The following FANCC variants were observed in gnomAD, a reference collection of about 807,000 sequenced individuals.
The protein encoded by FANCC is FA complementation group C, also known as Fanconi anemia group C protein.
Under a neutral mutation model 71.3 loss-of-function variants are expected in FANCC, and 55 were observed. That is an observed-to-expected ratio of 0.77 (90% CI 0.62 to 0.97). FANCC has a LOEUF of 0.97. Ranked by LOEUF, FANCC falls within the 50% of genes least tolerant of loss-of-function variation. The pLI, the probability that FANCC is intolerant of heterozygous loss-of-function variation, is 0.00. For missense variants in FANCC, 678 were observed against 670.9 expected (o/e 1.01, Z -0.12); for synonymous variants, 275 against 244.9 (o/e 1.12, Z -1.15).
rs1064793496 is a variant in FANCC at position 95,101,751 on chromosome 9, T to C, written c.1633A>G (p.Lys545Glu). 6.2e-7 allele frequency: 1 copy of C among 1,614,020 alleles called. No homozygotes were observed. The highest frequency in any genetic ancestry group is 1.3e-5 in the African/African-American group (1 of 74,932). The stretch of plus-strand genomic sequence containing the variant: ...TCTTTAAGGAGCTCTCGGGCCAGTT[T>C]TTCTGATCTAGGGCTTTCAATGCCA... ...RLGIESPRSE[K>E]LARELLKELR... Residue 545 changes from lysine to glutamate, a missense_variant, in exon 15 of 15, where the codon AAA becomes GAA. Coordinates refer to ENST00000289081, the MANE Select transcript of FANCC (RefSeq NM_000136.3).
At chr9:95,275,108 C>CA (rs532301118) in intron 1 of FANCC, among the ~76,000 whole-genome samples, 3,064 of 82,244 alleles carry the variant, frequency 0.037, 94 homozygotes, top group African/African-American at 0.092. Context: ...CCTGTCTCTA[C>CA]AAAAAAAAAA....
intron 4 of FANCC, among the ~76,000 whole-genome samples, chr9:95,176,670 A>G (rs1301420366): frequency 6.6e-6 from 1 of 152,274 alleles, no homozygotes; most frequent in East Asian, 1.9e-4. Context: ...CAAAGTTTCA[A>G]TTAAGCCACC....
intron 11 of FANCC, among the ~76,000 whole-genome samples, chr9:95,115,600 G>A (rs188724020): frequency 6.6e-6 from 1 of 152,348 alleles, no homozygotes; most frequent in Admixed American, 6.5e-5. Flanking sequence ...TTTAAATACA[G>A]CTGAGCAGCA....
At chr9:95,107,442 G>A (rs1428987574) in intron 13 of FANCC, 173 bp from the exon 14 acceptor site, 2 of 696,772 alleles carry the variant, frequency 2.9e-6, no homozygotes, top group South Asian at 1.7e-5. Context: ...ACCCAAATGG[G>A]CGGAATGGAA....
chr9:95,272,934 C>T (rs138895360), intron 1 of FANCC, among the ~76,000 whole-genome samples: 4 of 152,004 alleles, frequency 2.6e-5, no homozygotes, highest in African/African-American at 9.7e-5. Flanking sequence ...CTTCACTGTC[C>T]GGCAAAGGTG....
At chr9:95,199,632 C>A (rs931602914) in intron 4 of FANCC, among the ~76,000 whole-genome samples, 1 of 152,162 alleles carries the variant, frequency 6.6e-6, no homozygotes, top group Non-Finnish European at 1.5e-5. Flanking sequence ...CAGTGCCCAG[C>A]GCACACAGGC....
chr9:95,266,166 A>G (rs1041291643), intron 1 of FANCC, among the ~76,000 whole-genome samples: 5 of 152,246 alleles, frequency 3.3e-5, no homozygotes, highest in African/African-American at 7.2e-5. Context: ...AGTATTATCT[A>G]AAGTCATTCT....
chr9:95,135,472 T>C lies in FANCC; in HGVS notation c.717A>G (p.Val239=), dbSNP rs770324737. The C allele has an allele frequency of 6.2e-7, 1 of 1,614,090 alleles. No individual in the cohort carries two copies. The highest frequency in any genetic ancestry group is 1.1e-5 in the South Asian group (1 of 91,086). ...LKKISLPMSA[V]VCLWLRHLPS... is the part of the protein sequence containing the mutation. Reference sequence around the variant, plus strand: ...GAAGGTGCCGAAGCCAGAGGCAGACTACAGCTGACATGGGGAGAGAAATCT... The same window carrying C: ...GAAGGTGCCGAAGCCAGAGGCAGACCACAGCTGACATGGGGAGAGAAATCT... The change falls in exon 8 of 15, where the codon GTA becomes GTG. Residue 239 remains valine (V), a synonymous_variant. Transcript: ENST00000289081.
At chr9:95,246,078 T>C (rs540388298) in intron 3 of FANCC, among the ~76,000 whole-genome samples, 4 of 152,322 alleles carry the variant, frequency 2.6e-5, no homozygotes, top group Admixed American at 1.3e-4. Context: ...ATATACATAA[T>C]GTATTTCTGG....
chr9:95,126,765 C>T lies in FANCC; in HGVS notation c.844-184G>A, dbSNP rs538999436. 1.3e-4 allele frequency: 82 copies of T among 630,164 alleles called. No individual in the cohort carries two copies. In the African/African-American group the frequency reaches 1.3e-3, roughly 10 times the overall value. The allele number at this position is 630,164 out of a possible 1,614,324, so 39.0% of individuals were successfully genotyped here. A position where few individuals can be genotyped will look rare whatever the true frequency, so the allele number is the denominator to read the frequency against. ...CCCACATACAAGTGCATACGGTGGT[C>T]TCCCTGGGCAGGGGTTACAGGCAGC... On this transcript the variant is annotated intron_variant, in intron 8 of 14. Transcript: ENST00000289081.
chr9:95,231,096 C>T (rs1588320552), intron 4 of FANCC, among the ~76,000 whole-genome samples: 1 of 152,198 alleles, frequency 6.6e-6, no homozygotes, highest in Non-Finnish European at 1.5e-5. Context: ...TGTAACTTCA[C>T]TCCATTTTAC....
chr9:95,196,874 C>T (rs1057338003), intron 4 of FANCC, among the ~76,000 whole-genome samples: 7 of 152,334 alleles, frequency 4.6e-5, no homozygotes, highest in Admixed American at 6.5e-5. Flanking sequence ...GCTGCTTAAT[C>T]GTCTCCTTTG....
chr9:95,153,322 G>GT lies in FANCC; in HGVS notation c.522-3236dup, dbSNP rs568537338. On this transcript the variant is annotated intron_variant, in intron 6 of 14. Coordinates refer to ENST00000289081, the MANE Select transcript of FANCC (RefSeq NM_000136.3). ...TGCTATAAAAATACATATGCAAGTG[G>GT]TTTTTTTTTTATATAAAGACATCTT... Among the ~76,000 whole-genome samples the GT allele has an allele frequency of 8.8e-4, 131 of 149,310 alleles. 1 individual carries two copies. In the East Asian group the frequency reaches 9.0e-3, roughly 10 times the overall value.
chr9:95,195,656 T>C (rs907245169), intron 4 of FANCC, among the ~76,000 whole-genome samples: 1 of 152,228 alleles, frequency 6.6e-6, no homozygotes, highest in Non-Finnish European at 1.5e-5. Flanking sequence ...AAAGCCTTGC[T>C]AGAATTTTGA....
intron 10 of FANCC, among the ~76,000 whole-genome samples, chr9:95,118,693 G>C (rs1266914730): frequency 6.6e-6 from 1 of 152,104 alleles, no homozygotes; most frequent in Non-Finnish European, 1.5e-5. Flanking sequence ...CTGGCTTCTT[G>C]GGCTCAACAT....
intron 1 of FANCC, among the ~76,000 whole-genome samples, chr9:95,299,991 A>G (rs930662293): frequency 2.0e-5 from 3 of 152,152 alleles, no homozygotes; most frequent in African/African-American, 7.2e-5. Context: ...ACTTTTTACT[A>G]TCAGAACTCC....
rs1384749365 is a variant in FANCC, at chr9:95,249,323, A to C, written c.-32T>G. The C allele has an allele frequency of 6.2e-7, 1 of 1,609,278 alleles. No homozygotes were observed. Among genetic ancestry groups the C allele is most frequent in the African/African-American group, 1.3e-5 (1 of 74,852 alleles). ...AAAAGCGAAAAGGTGATGTCCCTTC[A>C]CAGCAGCCTGTCCAGCACTGAAGGA... On this transcript the variant is annotated 5_prime_UTR_variant, in exon 2 of 15. Coordinates refer to ENST00000289081, the MANE Select transcript of FANCC (RefSeq NM_000136.3).
intron 13 of FANCC, chr9:95,110,774 C>G: frequency 9.1e-7 from 1 of 1,104,464 alleles, no homozygotes. Context: ...AAGAACCTAG[C>G]AAATCAATGC....
chr9:95,152,950 C>CA (rs1247893598), intron 6 of FANCC, among the ~76,000 whole-genome samples: 4 of 152,014 alleles, frequency 2.6e-5, no homozygotes, highest in Admixed American at 6.5e-5. Context: ...AAAAAAATCG[C>CA]AAAAAAACTA....
Sources: allele counts gnomAD v4.1 joint callset (sites outside exome capture counted in the v4.1 genomes callset), GRCh38; gene constraint gnomAD v4.1.1; transcripts MANE v1.5; gene names NCBI Gene and HGNC (gene_info 2026-07-23, HGNC 2026-07-21).